The following NKAIN2 variants were observed in gnomAD, a reference collection of about 807,000 sequenced individuals.
NKAIN2 encodes sodium/potassium transporting ATPase interacting 2, also known as sodium/potassium-transporting ATPase subunit beta-1-interacting protein 2.
Under a neutral mutation model 32.6 loss-of-function variants are expected in NKAIN2, and 14 were observed. The observed-to-expected ratio is 0.43, with a 90% CI of 0.28 to 0.67. The LOEUF is 0.67. Among genes scored for constraint, NKAIN2 ranks in the 30% least tolerant of loss-of-function variants. NKAIN2 has a pLI of 0.17. For missense variants in NKAIN2, 198 were observed against 258.3 expected, an observed-to-expected ratio of 0.77 and a Z score of 1.60; for synonymous variants, 80 against 87.2, an observed-to-expected ratio of 0.92 and a Z score of 0.46.
intron 3 of NKAIN2, among the ~76,000 whole-genome samples, chr6:124,531,383 G>A (rs183280154): frequency 5.9e-5 from 9 of 152,280 alleles, no homozygotes; most frequent in African/African-American, 1.9e-4. Flanking sequence ...CATCCATGGG[G>A]TGGATGCAAA....
At chr6:124,355,947 T>C (rs2115148493) in intron 3 of NKAIN2, among the ~76,000 whole-genome samples, 1 of 152,284 alleles carries the variant, frequency 6.6e-6, no homozygotes, top group South Asian at 2.1e-4. Context: ...TAGTGTAGGC[T>C]TCAGATCTCG....
chr6:124,613,681 A>T (rs950108300), intron 3 of NKAIN2, among the ~76,000 whole-genome samples: 4 of 152,172 alleles, frequency 2.6e-5, no homozygotes, highest in Admixed American at 2.6e-4. Context: ...CAGTTAATAA[A>T]AGCGCTACCT....
chr6:124,420,036 A>G (rs151048651), intron 3 of NKAIN2, among the ~76,000 whole-genome samples: 2 of 152,272 alleles, frequency 1.3e-5, no homozygotes, highest in Admixed American at 6.5e-5. Flanking sequence ...TAGAAAAAAT[A>G]TACTGTTAAG....
At chr6:124,439,138 GAAAC>G (rs1403634714) in intron 3 of NKAIN2, among the ~76,000 whole-genome samples, 1 of 152,068 alleles carries the variant, frequency 6.6e-6, no homozygotes, top group East Asian at 1.9e-4. Flanking sequence ...GTTAAAGTGT[GAAAC>G]AAACAACTCC....
chr6:124,697,702 T>C (rs1774567421), intron 4 of NKAIN2, among the ~76,000 whole-genome samples: 1 of 152,212 alleles, frequency 6.6e-6, no homozygotes. Flanking sequence ...CTGTTTCAAA[T>C]GCTACATTTT....
At chr6:124,086,881 T>C (rs1784211654) in intron 1 of NKAIN2, among the ~76,000 whole-genome samples, 1 of 151,798 alleles carries the variant, frequency 6.6e-6, no homozygotes, top group Non-Finnish European at 1.5e-5. Flanking sequence ...TATGATGTCT[T>C]CCAGAAGGTA....
At chr6:124,492,108 T>A (rs1450585931) in intron 3 of NKAIN2, among the ~76,000 whole-genome samples, 1 of 151,996 alleles carries the variant, frequency 6.6e-6, no homozygotes, top group Non-Finnish European at 1.5e-5. Context: ...TAATAGCTAA[T>A]CTTTTACTTG....
chr6:124,485,025 G>T (rs906539611), intron 3 of NKAIN2, among the ~76,000 whole-genome samples: 1 of 152,102 alleles, frequency 6.6e-6, no homozygotes, highest in African/African-American at 2.4e-5. Context: ...GCTGATACAG[G>T]CCAGTACCAG....
In NKAIN2 at chr6:124,543,033, C is replaced by T. The variant is rs1241442662; in HGVS notation, c.274-115153C>T. Reference sequence around the variant, plus strand: ...GCACTTGATAAACATTAAATTAGAGCTTTGTTCAGCATGGCTGCTTGGTGA... The same window carrying T: ...GCACTTGATAAACATTAAATTAGAGTTTTGTTCAGCATGGCTGCTTGGTGA... On this transcript the variant is annotated intron_variant, in intron 3 of 6. Coordinates refer to ENST00000368417, the MANE Select transcript of NKAIN2 (RefSeq NM_001040214.3). Among the ~76,000 whole-genome samples, 5 of 152,122 alleles carry T rather than the reference C, an allele frequency of 3.3e-5. No homozygotes were observed. The East Asian group carries it at 7.7e-4, about 23-fold the overall frequency.
At chr6:124,463,743 CA>C (rs1409810421) in intron 3 of NKAIN2, among the ~76,000 whole-genome samples, 1 of 152,062 alleles carries the variant, frequency 6.6e-6, no homozygotes, top group African/African-American at 2.4e-5. Context: ...CATGCCTGTA[CA>C]GGGCTATTAC....
chr6:124,211,410 CT>C (rs1229616205), intron 1 of NKAIN2, among the ~76,000 whole-genome samples: 1 of 151,858 alleles, frequency 6.6e-6, no homozygotes, highest in Non-Finnish European at 1.5e-5. Context: ...TTTTCTGACC[CT>C]AAACAGCTCT....
chr6:124,663,856 C>T (rs991907602), intron 4 of NKAIN2, among the ~76,000 whole-genome samples: 12 of 152,122 alleles, frequency 7.9e-5, no homozygotes, highest in South Asian at 2.1e-4. Context: ...CAAAAAGTTG[C>T]TGCCGTTGAG....
chr6:124,729,438 G>A (rs1179144058), intron 4 of NKAIN2, among the ~76,000 whole-genome samples: 9 of 152,032 alleles, frequency 5.9e-5, no homozygotes, highest in South Asian at 4.2e-4. Flanking sequence ...CAGCATATAA[G>A]CAGAGCCAAA....
In NKAIN2 at chr6:124,222,657, A is replaced by G. The variant is rs866733477; in HGVS notation, c.55-60348A>G. Among the ~76,000 whole-genome samples, 8 of 152,228 alleles carry G rather than the reference A, an allele frequency of 5.3e-5. 1 individual carries two copies. In the Middle Eastern group the frequency reaches 0.017, roughly 324 times the overall value. On this transcript the variant is annotated intron_variant, in intron 1 of 6. Coordinates refer to ENST00000368417, the MANE Select transcript of NKAIN2 (RefSeq NM_001040214.3). ...CCAGAACAGAACTCTGGTCACTCCC[A>G]AGTTGATAAGGTAGAACCAGCAGAA...
chr6:124,499,405 G>C (rs1330331248), intron 3 of NKAIN2, among the ~76,000 whole-genome samples: 1 of 151,986 alleles, frequency 6.6e-6, no homozygotes, highest in Non-Finnish European at 1.5e-5. Flanking sequence ...GTTAAATATT[G>C]ACCTATTATT....
At chr6:124,418,571 TA>T (rs1450200933) in intron 3 of NKAIN2, among the ~76,000 whole-genome samples, 1 of 147,568 alleles carries the variant, frequency 6.8e-6, no homozygotes, top group Non-Finnish European at 1.5e-5. Context: ...AATATATATA[TA>T]ATATCTATAA....
At chr6:124,588,097 G>C (rs1055404292) in intron 3 of NKAIN2, among the ~76,000 whole-genome samples, 6 of 152,114 alleles carry the variant, frequency 3.9e-5, no homozygotes, top group African/African-American at 1.4e-4. Context: ...TTGACTCTGT[G>C]TCATTTAAGT....
intron 1 of NKAIN2, among the ~76,000 whole-genome samples, chr6:123,864,381 G>A (rs1167077266): frequency 1.3e-5 from 2 of 152,190 alleles, no homozygotes; most frequent in Non-Finnish European, 2.9e-5. Context: ...TATTCATTGA[G>A]TAGATGTTTA....
intron 1 of NKAIN2, among the ~76,000 whole-genome samples, chr6:124,072,844 A>G (rs1197719256): frequency 6.6e-6 from 1 of 152,004 alleles, no homozygotes; most frequent in Non-Finnish European, 1.5e-5. Flanking sequence ...TTTGTTATTC[A>G]TTCATTTTTT....
Sources: gnomAD v4.1 joint callset for allele counts (sites outside exome capture counted in the v4.1 genomes callset) on GRCh38, gnomAD v4.1.1 for gene constraint, MANE v1.5 for transcripts, NCBI Gene and HGNC (gene_info 2026-07-23, HGNC 2026-07-21) for gene names.